The following TMEM45A variants were observed in gnomAD, a reference collection of about 807,000 sequenced individuals.
TMEM45A encodes the protein DNA polymerase-transactivated protein 4.
In TMEM45A, 25 loss-of-function variants were observed where a neutral mutation model predicts 32.0. The observed-to-expected ratio is 0.78, with a 90% CI of 0.57 to 1.09. The LOEUF is 1.09. Ranked by LOEUF, TMEM45A falls within the 50% of genes least tolerant of loss-of-function variation. The pLI is 0.00. For synonymous variants in TMEM45A, 122 were observed against 114.8 expected (o/e 1.06, Z -0.40); for missense variants, 302 against 325.0 (o/e 0.93, Z 0.54).
rs372560847 is a variant in TMEM45A, at chr3:100,557,618, C to T, written c.403+646C>T. ...GATTGATTATGGAAATAGATAACCA[C>T]AAATTGATCAGGAGGCAGTCACTTC... On this transcript the variant is annotated intron_variant, in intron 3 of 5. Coordinates refer to ENST00000323523, the MANE Select transcript of TMEM45A (RefSeq NM_018004.3). Among the ~76,000 whole-genome samples, 10 of 151,676 alleles carry T rather than the reference C, an allele frequency of 6.6e-5. No homozygotes were observed. The South Asian group carries it at 2.1e-3, about 32-fold the overall frequency.
chr3:100,550,523 G>A (rs974489323), intron 1 of TMEM45A, among the ~76,000 whole-genome samples: 6 of 152,152 alleles, frequency 3.9e-5, no homozygotes, highest in African/African-American at 7.2e-5. Flanking sequence ...TGGTGGTGGC[G>A]CAAGATGAAA....
chr3:100,519,296 T>A (rs966689618), intron 1 of TMEM45A: 10 of 500,660 alleles, frequency 2.0e-5, no homozygotes, highest in Admixed American at 6.5e-5. Context: ...CGTGGGGGAC[T>A]CAGGCAGAGG....
At position 100,555,246 on chromosome 3, in the gene TMEM45A, C is replaced by T. The variant is rs200878698; in HGVS notation, c.35C>T (p.Thr12Ile). 5 of 1,610,338 alleles carry T rather than the reference C, an allele frequency of 3.1e-6. No individual in the cohort carries two copies. The highest frequency in any genetic ancestry group is 1.3e-5 in the African/African-American group (1 of 74,752). ...TTCAGAGGTCATGCCCTCCCTGGAA[C>T]CTTCTTTTTTATTATTGGTCTTTGG... Reference protein sequence around the residue: ...GNFRGHALPGTFFFIIGLWWC... With the variant: ...GNFRGHALPGIFFFIIGLWWC... Residue 12 changes from threonine to isoleucine, a missense_variant, in exon 2 of 6, where the codon ACC becomes ATC. By Grantham distance (89) the Thr-to-Ile change is moderately conservative. Transcript: ENST00000323523.
intron 1 of TMEM45A, among the ~76,000 whole-genome samples, chr3:100,501,603 C>G (rs1395422365): frequency 1.3e-5 from 2 of 152,216 alleles, no homozygotes; most frequent in Non-Finnish European, 2.9e-5. Flanking sequence ...ACAGAGGTTA[C>G]CTTTTTATCC....
At chr3:100,505,249 G>A (rs1280112721) in intron 1 of TMEM45A, among the ~76,000 whole-genome samples, 1 of 152,148 alleles carries the variant, frequency 6.6e-6, no homozygotes, top group Admixed American at 6.5e-5. Context: ...GCTCTACCAT[G>A]GCAATGAATG....
In TMEM45A at chr3:100,493,120, CTT is replaced by C. The variant is rs570241165; in HGVS notation, c.-4+213_-4+214del. Among the ~76,000 whole-genome samples, 433 of 115,902 alleles carry C rather than the reference CTT, an allele frequency of 3.7e-3. 5 individuals are homozygous for C. The highest frequency in any genetic ancestry group is 0.012 in the East Asian group (48 of 4,038). The allele number at this position is 115,902 out of a possible 152,430, so 76.0% of individuals were successfully genotyped here. The stretch of plus-strand genomic sequence containing the variant: ...AATTTAATTTTTTTGGTTTGCTATT[CTT>C]TTTTTTTTTTTTTTTTTTTTGGTGA... On this transcript the variant is annotated intron_variant, in intron 1 of 5. Transcript: ENST00000323523.
At chr3:100,552,875 T>G (rs1297893536) in intron 1 of TMEM45A, among the ~76,000 whole-genome samples, 1 of 152,198 alleles carries the variant, frequency 6.6e-6, no homozygotes, top group Non-Finnish European at 1.5e-5. Flanking sequence ...ATTCTCTAAT[T>G]GCAGTCAAGG....
At chr3:100,570,430 G>C (rs755146020) in intron 5 of TMEM45A, among the ~76,000 whole-genome samples, 1 of 152,194 alleles carries the variant, frequency 6.6e-6, no homozygotes, top group African/African-American at 2.4e-5. Flanking sequence ...TTCAGCTGCA[G>C]GTCAGCCCAC....
At chr3:100,533,606 G>T in intron 1 of TMEM45A, among the ~76,000 whole-genome samples, 1 of 152,230 alleles carries the variant, frequency 6.6e-6, no homozygotes, top group East Asian at 1.9e-4. Flanking sequence ...GGCAGGGCAG[G>T]GGAGCCTGAG....
intron 1 of TMEM45A, among the ~76,000 whole-genome samples, chr3:100,495,856 A>T (rs1302209812): frequency 6.6e-6 from 1 of 152,122 alleles, no homozygotes; most frequent in Non-Finnish European, 1.5e-5. Flanking sequence ...TTTGACATGG[A>T]TGTGATTGTT....
intron 1 of TMEM45A, among the ~76,000 whole-genome samples, chr3:100,496,327 TCACA>T: frequency 6.6e-6 from 1 of 152,216 alleles, no homozygotes; most frequent in Non-Finnish European, 1.5e-5. Flanking sequence ...CATGTCCTCC[TCACA>T]TCCTCCTGTG....
chr3:100,513,030 G>T (rs1357356546), intron 1 of TMEM45A, among the ~76,000 whole-genome samples: 1 of 148,922 alleles, frequency 6.7e-6, no homozygotes, highest in Non-Finnish European at 1.5e-5. Context: ...ATTCACAGCC[G>T]AATTCTACCA....
intron 5 of TMEM45A, chr3:100,572,665 A>G (rs1706590537): frequency 6.6e-6 from 1 of 152,076 alleles, no homozygotes; most frequent in Non-Finnish European, 1.5e-5. Flanking sequence ...TTCGACATGA[A>G]GTCCTTGCCC....
chr3:100,576,490 C>A (rs549200057), intron 5 of TMEM45A, among the ~76,000 whole-genome samples: 2 of 151,568 alleles, frequency 1.3e-5, no homozygotes, highest in Non-Finnish European at 2.9e-5. Context: ...TGTGATGATA[C>A]ATGCCTCTAA....
At chr3:100,548,224 C>T (rs945473917) in intron 1 of TMEM45A, among the ~76,000 whole-genome samples, 32 of 152,152 alleles carry the variant, frequency 2.1e-4, no homozygotes, top group African/African-American at 3.1e-4. Context: ...TGAATGAACA[C>T]ATCCGGGCTT....
intron 1 of TMEM45A, chr3:100,519,446 G>T: frequency 2.3e-6 from 2 of 876,158 alleles, no homozygotes; most frequent in Non-Finnish European, 3.6e-6. Flanking sequence ...TCAGCCTATT[G>T]ATTTTTTTAT....
intron 1 of TMEM45A, among the ~76,000 whole-genome samples, chr3:100,508,598 G>C (rs9818259): frequency 0.016 from 2,468 of 152,212 alleles, 68 homozygotes; most frequent in African/African-American, 0.057. Flanking sequence ...CATGGCATTG[G>C]TATAAAAACA....
intron 1 of TMEM45A, among the ~76,000 whole-genome samples, chr3:100,547,489 A>T (rs1370580521): frequency 6.6e-6 from 1 of 152,198 alleles, no homozygotes; most frequent in African/African-American, 2.4e-5. Flanking sequence ...CATAAGGAAG[A>T]TAAAATATAT....
intron 1 of TMEM45A, among the ~76,000 whole-genome samples, chr3:100,517,148 T>C (rs1180592010): frequency 1.3e-5 from 2 of 152,004 alleles, no homozygotes; most frequent in Non-Finnish European, 2.9e-5. Context: ...ACAGAGTCTC[T>C]CTCTGTCACC....
Sources: gnomAD v4.1 joint callset for allele counts (sites outside exome capture counted in the v4.1 genomes callset) on GRCh38, gnomAD v4.1.1 for gene constraint, MANE v1.5 for transcripts, NCBI Gene and HGNC (gene_info 2026-07-23, HGNC 2026-07-21) for gene names.